The following PDE4B variants were observed in gnomAD, a reference collection of about 807,000 sequenced individuals.
PDE4B encodes phosphodiesterase 4B, also known as 3',5'-cyclic-AMP phosphodiesterase 4B.
In PDE4B, 20 loss-of-function variants were observed where a neutral mutation model predicts 82.2. That is an observed-to-expected ratio of 0.24 (90% CI 0.17 to 0.35). PDE4B has a LOEUF of 0.35. PDE4B is among the 10% of genes least tolerant of loss of function. The pLI is 1.00. For missense variants in PDE4B, 655 were observed against 907.2 expected (o/e 0.72, Z 3.57); for synonymous variants, 320 against 318.9 (o/e 1.00, Z -0.04).
intron 7 of PDE4B, among the ~76,000 whole-genome samples, chr1:66,293,131 G>C (rs1315072385): frequency 6.6e-6 from 1 of 152,120 alleles, no homozygotes; most frequent in Non-Finnish European, 1.5e-5. Flanking sequence ...ATCACAAAAT[G>C]ACCTTTTTTG....
intron 1 of PDE4B, among the ~76,000 whole-genome samples, chr1:65,896,182 A>G (rs2100404145): frequency 6.6e-6 from 1 of 152,180 alleles, no homozygotes; most frequent in Admixed American, 6.6e-5. Flanking sequence ...AAAAAGAAAG[A>G]GGTTTAATTG....
intron 3 of PDE4B, among the ~76,000 whole-genome samples, chr1:66,000,031 A>G (rs1651776429): frequency 6.6e-6 from 1 of 152,228 alleles, no homozygotes; most frequent in South Asian, 2.1e-4. Flanking sequence ...ATAATATCTC[A>G]CTAGAGCCTA....
intron 1 of PDE4B, among the ~76,000 whole-genome samples, chr1:65,881,161 A>G (rs889383313): frequency 6.6e-6 from 1 of 152,140 alleles, no homozygotes; most frequent in African/African-American, 2.4e-5. Flanking sequence ...AAATCCTTTG[A>G]GTGCATTCTT....
At chr1:65,928,058 T>G (rs946045674) in intron 3 of PDE4B, among the ~76,000 whole-genome samples, 1 of 152,172 alleles carries the variant, frequency 6.6e-6, no homozygotes, top group Non-Finnish European at 1.5e-5. Flanking sequence ...ACTAGTTCCT[T>G]AAATGTCGAT....
intron 3 of PDE4B, among the ~76,000 whole-genome samples, chr1:66,026,899 T>C (rs1006010074): frequency 2.0e-5 from 3 of 152,214 alleles, no homozygotes; most frequent in African/African-American, 4.8e-5. Flanking sequence ...TGTTGTAACA[T>C]ATGCCTGCAA....
At chr1:65,972,078 T>A (rs574140091) in intron 3 of PDE4B, among the ~76,000 whole-genome samples, 34 of 152,270 alleles carry the variant, frequency 2.2e-4, no homozygotes, top group African/African-American at 7.9e-4. Flanking sequence ...TATAAAAAAT[T>A]TGGTAATATA....
At chr1:66,257,979 T>A (rs1257911146) in intron 6 of PDE4B, 116 bp downstream of exon 6, 1 of 684,076 alleles carries the variant, frequency 1.5e-6, no homozygotes, top group Non-Finnish European at 2.6e-6. Flanking sequence ...GCTAAGTTAA[T>A]ATACACAATA....
At chr1:66,020,067 A>G (rs979826894) in intron 3 of PDE4B, among the ~76,000 whole-genome samples, 2 of 152,226 alleles carry the variant, frequency 1.3e-5, no homozygotes, top group African/African-American at 4.8e-5. Flanking sequence ...ATATTGATAC[A>G]TATAGGCACA....
At chr1:65,988,758 G>A (rs1267094860) in intron 3 of PDE4B, among the ~76,000 whole-genome samples, 2 of 151,188 alleles carry the variant, frequency 1.3e-5, no homozygotes, top group African/African-American at 2.4e-5. Context: ...GCCATGTTGT[G>A]CTAGGTATAA....
chr1:66,108,230 C>T (rs1645411291), intron 3 of PDE4B, among the ~76,000 whole-genome samples: 1 of 151,924 alleles, frequency 6.6e-6, no homozygotes, highest in African/African-American at 2.4e-5. Context: ...GTCACCTGCC[C>T]ACCCCAGTCC....
At chr1:66,027,760 A>T (rs1015210590) in intron 3 of PDE4B, among the ~76,000 whole-genome samples, 4 of 152,220 alleles carry the variant, frequency 2.6e-5, no homozygotes, top group African/African-American at 7.2e-5. Context: ...CCAACGGGGC[A>T]GTCAAATTTT....
rs752353754 is a variant in PDE4B, at chr1:66,363,518, G to A, written c.1231G>A (p.Ala411Thr). ...SDVAYHNSLH[A>T]ADVAQSTHVL... is the part of the protein sequence containing the mutation. ...CGTGGCATATCACAACAGCCTGCAC[G>A]CTGCTGATGTAGCCCAGTCGACCCA... The change falls in exon 12 of 17, where the codon GCT (alanine) becomes ACT (threonine). Residue 411 changes from alanine (A) to threonine (T), a missense_variant. This residue lies in a region of PDE4B where 283 missense variants were observed against 516.4 expected (regional missense o/e 0.55). Transcript: ENST00000341517. The A allele has an allele frequency of 2.5e-6, 4 of 1,613,626 alleles. No homozygotes were observed. The highest frequency in any genetic ancestry group is 1.1e-5 in the South Asian group (1 of 91,060).
chr1:66,080,563 G>A (rs1656670090), intron 3 of PDE4B, among the ~76,000 whole-genome samples: 2 of 152,038 alleles, frequency 1.3e-5, no homozygotes, highest in Admixed American at 6.6e-5. Flanking sequence ...AAAAATGATA[G>A]GAAGTCTATA....
intron 1 of PDE4B, among the ~76,000 whole-genome samples, chr1:65,889,052 G>A (rs1248260711): frequency 1.3e-5 from 2 of 152,006 alleles, no homozygotes; most frequent in African/African-American, 2.4e-5. Context: ...TCCCCATTCA[G>A]TATGACGTTA....
At chr1:65,876,602 T>C (rs913364238) in intron 1 of PDE4B, among the ~76,000 whole-genome samples, 1 of 152,134 alleles carries the variant, frequency 6.6e-6, no homozygotes. Context: ...ATTTAAATTA[T>C]TGGTGGCCAG....
chr1:66,313,610 CT>C (rs1239421680), intron 7 of PDE4B, among the ~76,000 whole-genome samples: 1 of 152,220 alleles, frequency 6.6e-6, no homozygotes, highest in African/African-American at 2.4e-5. Flanking sequence ...GAGAAATCTC[CT>C]GCATTAAGCT....
chr1:65,875,171 A>G (rs1331366834), intron 1 of PDE4B, among the ~76,000 whole-genome samples: 1 of 152,192 alleles, frequency 6.6e-6, no homozygotes, highest in Non-Finnish European at 1.5e-5. Flanking sequence ...AAAAGAAGAC[A>G]TTTATGCAGC....
intron 3 of PDE4B, among the ~76,000 whole-genome samples, chr1:65,956,736 G>T (rs544800466): frequency 2.6e-5 from 4 of 152,180 alleles, no homozygotes; most frequent in African/African-American, 9.6e-5. Flanking sequence ...GTCTCTTTTC[G>T]TAGAAAGTCT....
intron 3 of PDE4B, among the ~76,000 whole-genome samples, chr1:66,197,032 A>T (rs181204195): frequency 6.6e-6 from 1 of 152,140 alleles, no homozygotes; most frequent in Non-Finnish European, 1.5e-5. Flanking sequence ...AATGCAAACC[A>T]TACCAATTTG....
Sources: gnomAD v4.1 joint callset for allele counts (sites outside exome capture counted in the v4.1 genomes callset) on GRCh38, gnomAD v4.1.1 for gene constraint, gnomAD v4.1.1 regional missense constraint, MANE v1.5 for transcripts, NCBI Gene and HGNC (gene_info 2026-07-23, HGNC 2026-07-21) for gene names.